Variants in CACNA2D3 observed in about 807,000 individuals in gnomAD.
CACNA2D3 encodes the protein voltage-dependent calcium channel subunit alpha-2/delta-3.
Under a neutral mutation model 160.6 loss-of-function variants are expected in CACNA2D3, and 60 were observed. That is an observed-to-expected ratio of 0.37 (90% confidence interval 0.30 to 0.46). CACNA2D3 has a LOEUF of 0.46. Ranked by LOEUF, CACNA2D3 falls within the 20% of genes least tolerant of loss-of-function variation. CACNA2D3 has a pLI of 1.00. For missense variants in CACNA2D3, 1,205 were observed against 1,365.0 expected, an observed-to-expected ratio of 0.88 and a Z score of 1.85; for synonymous variants, 558 against 492.9, an observed-to-expected ratio of 1.13 and a Z score of -1.75.
chr3:54,453,433 A>G (rs1046050992), intron 4 of CACNA2D3, among the ~76,000 whole-genome samples: 3 of 152,182 alleles, frequency 2.0e-5, no homozygotes, highest in Non-Finnish European at 2.9e-5. Context: ...GTAGGACTTC[A>G]ACATATCTTT....
intron 2 of CACNA2D3, among the ~76,000 whole-genome samples, chr3:54,230,042 G>A (rs955407311): frequency 6.6e-6 from 1 of 151,426 alleles, no homozygotes; most frequent in African/African-American, 2.4e-5. Flanking sequence ...GTTGCCAAAG[G>A]TAATTTTAAG....
chr3:54,975,384 G>C (rs991947229), intron 29 of CACNA2D3, among the ~76,000 whole-genome samples: 4 of 151,882 alleles, frequency 2.6e-5, no homozygotes, highest in African/African-American at 9.7e-5. Flanking sequence ...CTAGGCATTG[G>C]GGTGTGCACC....
chr3:54,722,608 A>G (rs1465219535), intron 11 of CACNA2D3, among the ~76,000 whole-genome samples: 1 of 151,952 alleles, frequency 6.6e-6, no homozygotes, highest in Non-Finnish European at 1.5e-5. Context: ...GGGATGTGCT[A>G]TTCCTTTCTG....
chr3:54,132,727 G>A (rs542227395), intron 2 of CACNA2D3, among the ~76,000 whole-genome samples: 2 of 152,208 alleles, frequency 1.3e-5, no homozygotes, highest in Non-Finnish European at 2.9e-5. Context: ...TTTTAAGAGA[G>A]GTGGCTGGTC....
intron 2 of CACNA2D3, among the ~76,000 whole-genome samples, chr3:54,277,130 G>A (rs538577508): frequency 2.0e-4 from 30 of 152,294 alleles, no homozygotes; most frequent in African/African-American, 6.7e-4. Flanking sequence ...GCCCCCACAC[G>A]CTGCCCTGCA....
chr3:54,662,847 A>G (rs2106884170), intron 11 of CACNA2D3, among the ~76,000 whole-genome samples: 1 of 152,372 alleles, frequency 6.6e-6, no homozygotes, highest in East Asian at 1.9e-4. Flanking sequence ...TTACATTTGA[A>G]GGTCAGAGAA....
intron 35 of CACNA2D3, among the ~76,000 whole-genome samples, chr3:55,064,087 A>G (rs1304397319): frequency 6.6e-6 from 1 of 152,108 alleles, no homozygotes; most frequent in Non-Finnish European, 1.5e-5. Context: ...AGCCCTGCCC[A>G]GTTACCTGGT....
chr3:54,311,283 CCT>C (rs1385712577), intron 2 of CACNA2D3, among the ~76,000 whole-genome samples: 1 of 152,108 alleles, frequency 6.6e-6, no homozygotes, highest in African/African-American at 2.4e-5. Flanking sequence ...GAGACTGTCC[CCT>C]GTTTCTCTTC....
At chr3:54,179,770 G>A (rs1305345314) in intron 2 of CACNA2D3, among the ~76,000 whole-genome samples, 1 of 152,178 alleles carries the variant, frequency 6.6e-6, no homozygotes, top group Admixed American at 6.5e-5. Context: ...ACAATGAGAA[G>A]GTGGCTATCT....
intron 11 of CACNA2D3, among the ~76,000 whole-genome samples, chr3:54,670,240 T>G (rs999861254): frequency 3.3e-5 from 5 of 152,152 alleles, no homozygotes; most frequent in Non-Finnish European, 5.9e-5. Flanking sequence ...TGCCACAGAT[T>G]GTGAAGTTGG....
rs1046438524 is a variant in CACNA2D3 at position 54,636,802 on chromosome 3, A to G, written c.1054-5326A>G. ...TGAGAATTATGCCGAGATAGGTAACAGATGAGGATGAAATTTGGGCTTGAC... is the reference window on the plus strand; with the variant it reads ...TGAGAATTATGCCGAGATAGGTAACGGATGAGGATGAAATTTGGGCTTGAC... On this transcript the variant is annotated intron_variant, in intron 10 of 37. Coordinates refer to ENST00000474759, the MANE Select transcript of CACNA2D3 (RefSeq NM_018398.3). Among the ~76,000 whole-genome samples, 7 of 152,056 alleles carry G rather than the reference A, an allele frequency of 4.6e-5. 1 individual carries two copies. The highest frequency in any genetic ancestry group is 1.2e-4 in the African/African-American group (5 of 41,302).
intron 34 of CACNA2D3, among the ~76,000 whole-genome samples, chr3:55,012,218 A>G (rs1011522544): frequency 6.6e-6 from 1 of 152,124 alleles, no homozygotes; most frequent in Non-Finnish European, 1.5e-5. Flanking sequence ...TATGGTTGTG[A>G]GAGGTGAATT....
chr3:55,021,505 G>A (rs1372841095), intron 35 of CACNA2D3, among the ~76,000 whole-genome samples: 1 of 150,036 alleles, frequency 6.7e-6, no homozygotes, highest in African/African-American at 2.5e-5. Context: ...TGTCTTTGAT[G>A]CTTAGCTTTT....
In CACNA2D3 at chr3:54,456,532, T is replaced by G. The variant is rs531084522; in HGVS notation, c.382-46960T>G. 7.2e-5 allele frequency among the ~76,000 whole-genome samples: 11 copies of G among 152,082 alleles called. No homozygotes were observed. In the South Asian group the frequency reaches 2.3e-3, roughly 32 times the overall value. The stretch of plus-strand genomic sequence containing the variant: ...AGATTCTTTTGAGAATTTTTGCCTC[T>G]GTATTCATTAGGGATATTGGCCTAT... On this transcript the variant is annotated intron_variant, in intron 4 of 37. Coordinates refer to ENST00000474759, the MANE Select transcript of CACNA2D3 (RefSeq NM_018398.3).
chr3:54,567,586 A>G (rs1054689961), intron 6 of CACNA2D3, among the ~76,000 whole-genome samples: 2 of 152,120 alleles, frequency 1.3e-5, no homozygotes, highest in Non-Finnish European at 1.5e-5. Flanking sequence ...CCCAGGCTGG[A>G]GTGCAGTGGT....
At chr3:54,796,222 T>G (rs1702863152) in intron 13 of CACNA2D3, among the ~76,000 whole-genome samples, 1 of 152,046 alleles carries the variant, frequency 6.6e-6, no homozygotes, top group African/African-American at 2.4e-5. Context: ...ACTATTTGAC[T>G]TGATTATACT....
chr3:54,789,317 A>G (rs1433675690), intron 13 of CACNA2D3, among the ~76,000 whole-genome samples: 2 of 152,242 alleles, frequency 1.3e-5, no homozygotes, highest in Non-Finnish European at 2.9e-5. Flanking sequence ...CAAATGTTCA[A>G]AAATAAAACT....
At chr3:54,701,464 T>C (rs1205312973) in intron 11 of CACNA2D3, among the ~76,000 whole-genome samples, 1 of 152,150 alleles carries the variant, frequency 6.6e-6, no homozygotes, top group African/African-American at 2.4e-5. Flanking sequence ...AAGATGTAAA[T>C]ATGTGTTATA....
intron 13 of CACNA2D3, among the ~76,000 whole-genome samples, chr3:54,805,405 C>G (rs928643466): frequency 7.2e-5 from 11 of 152,030 alleles, no homozygotes; most frequent in South Asian, 2.1e-4. Context: ...AAACTACCAT[C>G]AGAGAATACT....
Sources: allele counts gnomAD v4.1 joint callset (sites outside exome capture counted in the v4.1 genomes callset), GRCh38; gene constraint gnomAD v4.1.1; transcripts MANE v1.5; gene names NCBI Gene and HGNC (gene_info 2026-07-23, HGNC 2026-07-21).